The following ZNF541 variants were observed in gnomAD, a reference collection of about 807,000 sequenced individuals.
ZNF541 encodes the protein zinc finger protein 541.
In ZNF541, 23 loss-of-function variants were observed where a neutral mutation model predicts 123.5. The ratio of observed to expected loss-of-function variants is 0.19; its 90% CI spans 0.13 to 0.26. The LOEUF is 0.26. ZNF541 is among the 10% of genes least tolerant of loss of function. The pLI is 1.00. For missense variants in ZNF541, 1,612 were observed against 1,789.9 expected, an observed-to-expected ratio of 0.90 and a Z score of 1.79; for synonymous variants, 751 against 754.5, an observed-to-expected ratio of 1.00 and a Z score of 0.08.
chr19:47,521,192 G>C lies in ZNF541; in HGVS notation c.*32C>G. The C allele has an allele frequency of 6.5e-7, 1 of 1,546,848 alleles. No individual in the cohort carries two copies. Among genetic ancestry groups the C allele is most frequent in the South Asian group, 1.2e-5 (1 of 83,808 alleles). ...GGCCGAAGGGAGGAGGGGCAGCACTGGAGGCCCCATTCGGACTTGCTGCCA... is the reference window on the plus strand; with the variant it reads ...GGCCGAAGGGAGGAGGGGCAGCACTCGAGGCCCCATTCGGACTTGCTGCCA... On this transcript the variant is annotated 3_prime_UTR_variant, in exon 17 of 17. Coordinates refer to ENST00000391901, the MANE Select transcript of ZNF541 (RefSeq NM_001277075.3). This position sits in a 1 kb window ranked among gnomAD's most constrained non-coding sequence, Gnocchi z 4.2.
chr19:47,556,357 G>A (rs1223937491), intron 2 of ZNF541, among the ~76,000 whole-genome samples: 1 of 152,206 alleles, frequency 6.6e-6, no homozygotes, highest in Non-Finnish European at 1.5e-5. Flanking sequence ...GGCCCCAGGG[G>A]AAAATCAGAA....
chr19:47,531,598 C>G (rs1160087078), intron 12 of ZNF541, 44 bp downstream of exon 12: 2 of 1,473,166 alleles, frequency 1.4e-6, no homozygotes, highest in Non-Finnish European at 9.2e-7. Context: ...ACCTAGAACC[C>G]TGGGCCCCAG....
intron 4 of ZNF541, among the ~76,000 whole-genome samples, chr19:47,547,403 T>A (rs1970400774): frequency 6.6e-6 from 1 of 152,174 alleles, no homozygotes; most frequent in Non-Finnish European, 1.5e-5. Flanking sequence ...CATTAACACA[T>A]TATAAATATA....
rs1311333787 is a variant in ZNF541 at position 47,521,956 on chromosome 19, A to G, written c.3609T>C (p.Tyr1203=). The G allele has an allele frequency of 1.2e-5, 18 of 1,551,988 alleles. No homozygotes were observed. Among genetic ancestry groups the G allele is most frequent in the Admixed American group, 3.9e-5 (2 of 50,992 alleles). The change falls in exon 15 of 17, where the codon TAT becomes TAC. Residue 1203 remains tyrosine (Y), a synonymous_variant. Coordinates refer to ENST00000391901, the MANE Select transcript of ZNF541 (RefSeq NM_001277075.3). This position sits in a 1 kb window ranked among gnomAD's most constrained non-coding sequence, Gnocchi z 4.2. The part of the protein sequence containing the change: ...TKTVAQCVEY[Y]YIWKKMIKFD... The stretch of plus-strand genomic sequence containing the variant: ...ACTTGATCATTTTTTTCCAGATGTA[A>G]TAATACTCAACGCACTGAGCTACCG...
At chr19:47,534,479 C>T (rs112588146) in intron 9 of ZNF541, among the ~76,000 whole-genome samples, 4,507 of 152,062 alleles carry the variant, frequency 0.03, 188 homozygotes, top group African/African-American at 0.1. Flanking sequence ...AACAAAACCC[C>T]GTCTCTACTA....
intron 14 of ZNF541, among the ~76,000 whole-genome samples, chr19:47,526,802 CCTA>C (rs1371967449): frequency 9.2e-5 from 14 of 152,172 alleles, no homozygotes; most frequent in African/African-American, 3.1e-4. Flanking sequence ...TAAGCATACA[CCTA>C]CTAAGTCATT....
intron 2 of ZNF541, among the ~76,000 whole-genome samples, chr19:47,571,516 A>C (rs1030996426): frequency 6.6e-6 from 1 of 152,238 alleles, no homozygotes; most frequent in African/African-American, 2.4e-5. Context: ...AAGTTCTGGC[A>C]ACACTGGCCT....
At chr19:47,553,945 G>C (rs1682855184) in intron 3 of ZNF541, among the ~76,000 whole-genome samples, 1 of 152,164 alleles carries the variant, frequency 6.6e-6, no homozygotes, top group African/African-American at 2.4e-5. Context: ...GTTGTTCACA[G>C]AAACACTTTA....
intron 7 of ZNF541, 61 bp from the exon 8 acceptor site, chr19:47,539,939 C>G (rs1311875695): frequency 6.7e-7 from 1 of 1,503,450 alleles, no homozygotes; most frequent in Non-Finnish European, 8.8e-7. Context: ...AAAGGAAGAG[C>G]TGCTTCAGCA....
intron 2 of ZNF541, among the ~76,000 whole-genome samples, chr19:47,569,682 G>GT (rs1264553086): frequency 6.6e-6 from 1 of 151,786 alleles, no homozygotes; most frequent in African/African-American, 2.4e-5. Context: ...GGGCAACAAA[G>GT]TGAGATCCCC....
At chr19:47,526,801 A>G (rs189265416) in intron 14 of ZNF541, among the ~76,000 whole-genome samples, 1 of 152,186 alleles carries the variant, frequency 6.6e-6, no homozygotes, top group Non-Finnish European at 1.5e-5. Flanking sequence ...TTAAGCATAC[A>G]CCTACTAAGT....
chr19:47,540,314 G>T lies in ZNF541; in HGVS notation c.2484C>A (p.Pro828=). The change falls in exon 7 of 17, where the codon CCC becomes CCA. Residue 828 remains proline (P), a synonymous_variant. Transcript: ENST00000391901. ...AGRGNQQNGS[P]TDWTKPRSTF... ...TGCTCCTGGGCTTCGTCCAGTCTGT[G>T]GGACTGCCGTTTTGCTGGTTACTGT... 6.4e-7 allele frequency: 1 copy of T among 1,551,948 alleles called. No individual in the cohort carries two copies. Among genetic ancestry groups the T allele is most frequent in the Non-Finnish European group, 8.7e-7 (1 of 1,146,978 alleles).
At chr19:47,540,490 A>T (rs1970036322) in intron 6 of ZNF541, among the ~76,000 whole-genome samples, 155 bp from the exon 7 acceptor site, 1 of 149,160 alleles carries the variant, frequency 6.7e-6, no homozygotes, top group African/African-American at 2.5e-5. Flanking sequence ...CCCAGACTGG[A>T]GTGCGGTGGC....
intron 14 of ZNF541, 53 bp downstream of exon 14, chr19:47,528,897 T>C (rs1056400002): frequency 6.2e-5 from 90 of 1,448,016 alleles, no homozygotes; most frequent in Non-Finnish European, 8.4e-5. Flanking sequence ...CAGCTCTAGC[T>C]TGTCTCAGCT....
chr19:47,553,408 C>CTT lies in ZNF541; in HGVS notation c.307+2140_307+2141dup, dbSNP rs1291200798. 1.1e-3 allele frequency among the ~76,000 whole-genome samples: 124 copies of CTT among 116,888 alleles called. 1 individual carries two copies. The East Asian group carries it at 0.014, about 14-fold the overall frequency. 76.7% of individuals were successfully genotyped at this position (116,888 alleles called of 152,430 possible). ...CACCCACCACCATGCCAGGCTAATT[C>CTT]TTTTTTTTTTTTTTTTTTTGAGACG... On this transcript the variant is annotated intron_variant, in intron 3 of 16. Coordinates refer to ENST00000391901, the MANE Select transcript of ZNF541 (RefSeq NM_001277075.3).
chr19:47,560,144 C>T (rs368365455), intron 2 of ZNF541, among the ~76,000 whole-genome samples: 4 of 152,042 alleles, frequency 2.6e-5, no homozygotes, highest in South Asian at 2.1e-4. Context: ...ACAGACAGGG[C>T]GTTTGTTGCA....
chr19:47,572,536 G>C (rs752797262), intron 1 of ZNF541, among the ~76,000 whole-genome samples: 18 of 152,132 alleles, frequency 1.2e-4, no homozygotes, highest in African/African-American at 4.3e-4. Flanking sequence ...CTTAAAGGAG[G>C]GGGAGGGGCA....
At chr19:47,528,919 G>A (rs1676440800) in intron 14 of ZNF541, 31 bp downstream of exon 14, 1 of 1,527,086 alleles carries the variant, frequency 6.5e-7, no homozygotes, top group Non-Finnish European at 8.9e-7. Context: ...TGTGAGGCAG[G>A]GCCTTGGACA....
At chr19:47,557,712 A>C (rs982245436) in intron 2 of ZNF541, among the ~76,000 whole-genome samples, 1 of 152,044 alleles carries the variant, frequency 6.6e-6, no homozygotes, top group Non-Finnish European at 1.5e-5. Flanking sequence ...GGTGGCGTCT[A>C]TCTGTAGTCC....
Sources: gnomAD v4.1 joint callset for allele counts (sites outside exome capture counted in the v4.1 genomes callset) on GRCh38, gnomAD v4.1.1 for gene constraint, Gnocchi (gnomAD v3.1) non-coding constraint, MANE v1.5 for transcripts, NCBI Gene and HGNC (gene_info 2026-07-23, HGNC 2026-07-21) for gene names.